ITGAM: variants seen among roughly 807,000 people sequenced by gnomAD.
ITGAM encodes the protein integrin alpha-M.
A neutral mutation model predicts 137.5 loss-of-function variants in ITGAM; 79 were observed. That is an observed-to-expected ratio of 0.57 (90% CI 0.48 to 0.69). The LOEUF (loss-of-function observed/expected upper bound fraction) is 0.69, where lower values mean the gene tolerates loss of function less well. Among genes scored for constraint, ITGAM ranks in the 30% least tolerant of loss-of-function variants. The pLI, the probability that ITGAM is intolerant of heterozygous loss-of-function variation, is 0.00. For missense variants in ITGAM, 1,343 were observed against 1,483.5 expected (o/e 0.91, Z 1.56); for synonymous variants, 583 against 592.3 (o/e 0.98, Z 0.23).
At chr16:31,276,769 G>T in intron 10 of ITGAM, 25 bp downstream of exon 10, 1 of 1,596,802 alleles carries the variant, frequency 6.3e-7, no homozygotes, top group Non-Finnish European at 8.6e-7. Flanking sequence ...ATTAAATTGC[G>T]GGGGTGGGGC....
chr16:31,281,277 T>G (rs1400507633), intron 12 of ITGAM, among the ~76,000 whole-genome samples: 1 of 152,212 alleles, frequency 6.6e-6, no homozygotes, highest in African/African-American at 2.4e-5. Flanking sequence ...TTGACTGGAA[T>G]AGTTTCAGAA....
intron 14 of ITGAM, 78 bp downstream of exon 14, chr16:31,298,032 G>T (rs1597009153): frequency 1.7e-6 from 2 of 1,199,458 alleles, no homozygotes; most frequent in East Asian, 2.4e-5. Context: ...GCCCACAGCT[G>T]CCAGATAAGT....
chr16:31,293,753 T>A (rs2080108212), intron 12 of ITGAM, among the ~76,000 whole-genome samples: 1 of 152,158 alleles, frequency 6.6e-6, no homozygotes, highest in Middle Eastern at 3.2e-3. Flanking sequence ...TTTAAAATAG[T>A]TTTTCCTAGT....
chr16:31,312,070 G>A (rs1233281746), intron 14 of ITGAM, among the ~76,000 whole-genome samples: 1 of 146,078 alleles, frequency 6.8e-6, no homozygotes, highest in Non-Finnish European at 1.5e-5. Flanking sequence ...TCACTCATAG[G>A]TGGGAATTGA....
At chr16:31,315,856 A>G (rs2080385923) in intron 14 of ITGAM, among the ~76,000 whole-genome samples, 1 of 152,106 alleles carries the variant, frequency 6.6e-6, no homozygotes, top group South Asian at 2.1e-4. Flanking sequence ...TGTTAAAAAG[A>G]CTGTCCTTTC....
chr16:31,263,938 C>T (rs1036438877), intron 2 of ITGAM, among the ~76,000 whole-genome samples: 4 of 151,464 alleles, frequency 2.6e-5, no homozygotes, highest in Non-Finnish European at 5.9e-5. Context: ...TGGGTTCAAG[C>T]GATTCTCCTG....
intron 14 of ITGAM, among the ~76,000 whole-genome samples, chr16:31,303,545 A>T (rs777557558): frequency 6.6e-6 from 1 of 152,076 alleles, no homozygotes. Context: ...ATTTTAGTGC[A>T]CCTGTCATCA....
intron 14 of ITGAM, among the ~76,000 whole-genome samples, chr16:31,307,484 T>G (rs982693019): frequency 6.6e-6 from 1 of 152,214 alleles, no homozygotes; most frequent in Non-Finnish European, 1.5e-5. Context: ...TTGTGATTTT[T>G]GCACATTGAT....
At position 31,284,093 on chromosome 16, in the gene ITGAM, C is replaced by T. The variant is rs536519662; in HGVS notation, c.1356+5984C>T. ...TGCCTGATTCTTCCTCTGGAAGCTT[C>T]GTTGCAGAGGGGCACCCAGCCGTAT... is the stretch of plus-strand genomic sequence containing the variant. On this transcript the variant is annotated intron_variant, in intron 12 of 29. Coordinates refer to ENST00000544665, the MANE Select transcript of ITGAM (RefSeq NM_000632.4). Among the ~76,000 whole-genome samples the T allele has an allele frequency of 3.3e-5, 5 of 152,240 alleles. 1 individual carries two copies. Among genetic ancestry groups the T allele is most frequent in the South Asian group, 2.1e-4 (1 of 4,822 alleles).
At chr16:31,264,475 A>G (rs1413697794) in intron 2 of ITGAM, among the ~76,000 whole-genome samples, 1 of 151,992 alleles carries the variant, frequency 6.6e-6, no homozygotes, top group Non-Finnish European at 1.5e-5. Flanking sequence ...ATAAAAATAA[A>G]AATAAATAAA....
At position 31,325,351 on chromosome 16, in the gene ITGAM, G is replaced by A; in HGVS notation, c.2452G>A (p.Val818Ile). 1 of 1,613,932 alleles carries A rather than the reference G, an allele frequency of 6.2e-7. No homozygotes were observed. The highest frequency in any genetic ancestry group is 2.2e-5 in the East Asian group (1 of 44,888). ...NDGEDSYRTQVTFFFPLDLSY... is the reference protein window; with the variant it reads ...NDGEDSYRTQITFFFPLDLSY... ...TGGTGAGGACTCCTACAGGACACAG[G>A]TCACCTTCTTCTTCCCGCTTGACCT... The change falls in exon 20 of 30, where the codon GTC (valine) becomes ATC (isoleucine). Residue 818 changes from valine (V) to isoleucine (I), a missense_variant. Coordinates refer to ENST00000544665, the MANE Select transcript of ITGAM (RefSeq NM_000632.4).
chr16:31,330,952 CAGAG>C (rs1270928863), intron 28 of ITGAM, among the ~76,000 whole-genome samples: 4 of 148,846 alleles, frequency 2.7e-5, no homozygotes, highest in South Asian at 2.1e-4. Context: ...GATAGAGAGA[CAGAG>C]AGAGGCAGAA....
Position 31,332,023 on chromosome 16 carries a change from A to C in ITGAM, c.*316A>C, listed in dbSNP as rs117773641. ...TGTGTGCATGTGTGCGAGTGTGTGCATGTGTGTGCTCAGGGGCGTGTGGCT... is the reference window on the plus strand; with the variant it reads ...TGTGTGCATGTGTGCGAGTGTGTGCCTGTGTGTGCTCAGGGGCGTGTGGCT... On this transcript the variant is annotated 3_prime_UTR_variant, in exon 30 of 30. Coordinates refer to ENST00000544665, the MANE Select transcript of ITGAM (RefSeq NM_000632.4). 1.1e-5 allele frequency: 4 copies of C among 360,168 alleles called. No individual in the cohort carries two copies. The highest frequency in any genetic ancestry group is 2.0e-5 in the Non-Finnish European group (4 of 196,132). The allele number at this position is 360,168 out of a possible 1,614,324, so 22.3% of individuals were successfully genotyped here.
chr16:31,261,818 C>T (rs748729578), intron 2 of ITGAM, 21 bp downstream of exon 2: 3 of 1,515,496 alleles, frequency 2.0e-6, no homozygotes, highest in Non-Finnish European at 2.7e-6. Flanking sequence ...TAGATGGAGC[C>T]CCCTTTCTCA....
intron 14 of ITGAM, among the ~76,000 whole-genome samples, chr16:31,318,405 A>G (rs1188751018): frequency 2.8e-5 from 4 of 143,014 alleles, no homozygotes; most frequent in Non-Finnish European, 6.0e-5. Flanking sequence ...GTGCAGTGGC[A>G]TGATCACAGC....
chr16:31,275,360 T>C (rs1316495828), intron 8 of ITGAM, among the ~76,000 whole-genome samples, 189 bp from the exon 9 acceptor site: 3 of 152,200 alleles, frequency 2.0e-5, no homozygotes, highest in Admixed American at 1.3e-4. Context: ...CCCAACTTGC[T>C]TCCTTGGCAC....
rs763191287 is a variant in ITGAM at position 31,331,282 on chromosome 16, C to T, written c.3387+7C>T. The T allele has an allele frequency of 6.7e-7, 1 of 1,496,454 alleles. No individual in the cohort carries two copies. Among genetic ancestry groups the T allele is most frequent in the Non-Finnish European group, 9.3e-7 (1 of 1,075,136 alleles). 92.7% of individuals were successfully genotyped at this position (1,496,454 alleles called of 1,614,324 possible). Reference sequence around the variant, plus strand: ...CACCGCCGCGCTGTACAAGGTGCTCCCCGCTGCTCCCCCACCCCCTCCCTT... The same window carrying T: ...CACCGCCGCGCTGTACAAGGTGCTCTCCGCTGCTCCCCCACCCCCTCCCTT... On this transcript the variant is annotated splice_region_variant and intron_variant, in intron 29 of 29. Transcript: ENST00000544665.
chr16:31,326,210 C>G (rs41413245), intron 21 of ITGAM, among the ~76,000 whole-genome samples: 430 of 152,314 alleles, frequency 2.8e-3, no homozygotes, highest in African/African-American at 1.0e-2. Context: ...CGTTGGCCCT[C>G]AGCCCCAGTC....
At position 31,273,533 on chromosome 16, in the gene ITGAM, TC is replaced by T. The variant is rs1370139521; in HGVS notation, c.858+16del. The T allele has an allele frequency of 1.2e-6, 2 of 1,612,386 alleles. No individual in the cohort carries two copies. Among genetic ancestry groups the T allele is most frequent in the Admixed American group, 3.3e-5 (2 of 59,956 alleles). On this transcript the variant is annotated intron_variant, in intron 8 of 29. Coordinates refer to ENST00000544665, the MANE Select transcript of ITGAM (RefSeq NM_000632.4). ...ACGTCATTGGGGTAGGGAATGCAGCTCTCAGGTTGATGCTTCTGTGGAGGGT... is the reference window on the plus strand; with the variant it reads ...ACGTCATTGGGGTAGGGAATGCAGCTTCAGGTTGATGCTTCTGTGGAGGGT...
Sources: allele counts gnomAD v4.1 joint callset (sites outside exome capture counted in the v4.1 genomes callset), GRCh38; gene constraint gnomAD v4.1.1; transcripts MANE v1.5; gene names NCBI Gene and HGNC (gene_info 2026-07-23, HGNC 2026-07-21).